Variants in PRDM16 observed in about 807,000 individuals in gnomAD.
The protein encoded by PRDM16 is PR/SET domain 16.
PRDM16 carries 23 observed loss-of-function variants against 110.6 expected under a neutral mutation model. The ratio of observed to expected loss-of-function variants is 0.21; its 90% CI spans 0.15 to 0.29. PRDM16 has a LOEUF of 0.29. PRDM16 is among the 10% of genes least tolerant of loss of function. PRDM16 has a pLI of 1.00. For missense variants in PRDM16, 1,615 were observed against 1,794.3 expected (o/e 0.90, Z 1.81); for synonymous variants, 799 against 781.8 (o/e 1.02, Z -0.37).
intron 2 of PRDM16, among the ~76,000 whole-genome samples, chr1:3,231,328 G>C (rs1424794276): frequency 2.0e-5 from 3 of 150,584 alleles, no homozygotes; most frequent in Admixed American, 6.6e-5. Flanking sequence ...TGCACATGCC[G>C]AAAATAGGTG....
Position 3,353,744 on chromosome 1 carries a change from G to A in PRDM16, c.439-31408G>A, listed in dbSNP as rs1350271805. Among the ~76,000 whole-genome samples, 3 of 152,208 alleles carry A rather than the reference G, an allele frequency of 2.0e-5. No homozygotes were observed. Among genetic ancestry groups the A allele is most frequent in the Non-Finnish European group, 2.9e-5 (2 of 68,032 alleles). ...GCCGAAGCAGCCAGAGAGTGGCCAA[G>A]GGGGTTGCACTTGGGGCCGGACCTC... On this transcript the variant is annotated intron_variant, in intron 3 of 16. Coordinates refer to ENST00000270722, the MANE Select transcript of PRDM16 (RefSeq NM_022114.4). The surrounding 1 kb of genome is among the most constrained non-coding windows in gnomAD (Gnocchi z 5.4).
intron 1 of PRDM16, among the ~76,000 whole-genome samples, chr1:3,162,488 C>G (rs886765970): frequency 6.6e-6 from 1 of 152,246 alleles, no homozygotes; most frequent in Non-Finnish European, 1.5e-5. Context: ...GCAGAGCCCA[C>G]TCCTGCCCCT....
intron 2 of PRDM16, among the ~76,000 whole-genome samples, chr1:3,219,645 A>G (rs1053949279): frequency 6.6e-6 from 1 of 152,160 alleles, no homozygotes; most frequent in Non-Finnish European, 1.5e-5. Context: ...ACAGCTCTGC[A>G]CTCGGGAGAT....
At chr1:3,404,483 G>T (rs1643526201) in intron 6 of PRDM16, among the ~76,000 whole-genome samples, 1 of 152,238 alleles carries the variant, frequency 6.6e-6, no homozygotes, top group Non-Finnish European at 1.5e-5. Flanking sequence ...CAGCCGCCCT[G>T]GGGGTGGTCT....
intron 2 of PRDM16, among the ~76,000 whole-genome samples, chr1:3,193,648 G>A (rs895475382): frequency 2.0e-5 from 3 of 152,154 alleles, no homozygotes. Flanking sequence ...TGAGAAGTGC[G>A]CCCACCCAGC....
intron 3 of PRDM16, among the ~76,000 whole-genome samples, chr1:3,369,186 C>T (rs72849637): frequency 1.3e-5 from 2 of 152,022 alleles, no homozygotes; most frequent in African/African-American, 4.8e-5. Flanking sequence ...TCGGGGGGAG[C>T]GAGCGCGCTA....
chr1:3,354,214 C>G (rs1466418816), intron 3 of PRDM16, among the ~76,000 whole-genome samples: 1 of 152,174 alleles, frequency 6.6e-6, no homozygotes, highest in African/African-American at 2.4e-5. Flanking sequence ...AATCCTAGCA[C>G]TTTGGCAGGC....
intron 8 of PRDM16, 142 bp from the exon 9 acceptor site, chr1:3,411,242 G>A (rs544667849): frequency 5.9e-4 from 445 of 750,768 alleles, no homozygotes; most frequent in Non-Finnish European, 7.2e-4. Context: ...CCATGCCCAC[G>A]CACATGCACC....
intron 4 of PRDM16, among the ~76,000 whole-genome samples, chr1:3,389,911 G>T (rs1442822581): frequency 6.6e-6 from 1 of 151,962 alleles, no homozygotes; most frequent in East Asian, 2.0e-4. Context: ...AGGCACAGAG[G>T]GGCCCTCGGG....
chr1:3,414,464 G>T, intron 9 of PRDM16, 96 bp from the exon 10 acceptor site: 1 of 861,508 alleles, frequency 1.2e-6, no homozygotes, highest in Non-Finnish European at 1.9e-6. Flanking sequence ...GACTGGCCAG[G>T]TATATGGTCA....
chr1:3,270,712 A>AGGACAGTCGGGGAGGACAGTCCCGGAGGG (rs1640429533), intron 3 of PRDM16, among the ~76,000 whole-genome samples: 1 of 146,894 alleles, frequency 6.8e-6, no homozygotes, highest in Non-Finnish European at 1.5e-5. Flanking sequence ...GTCCCGGAGG[A>AGGACAGTCGGGGAGGACAGTCCCGGAGGG]GGACAGTCGG....
At chr1:3,158,257 C>A (rs371026436) in intron 1 of PRDM16, among the ~76,000 whole-genome samples, 1 of 152,144 alleles carries the variant, frequency 6.6e-6, no homozygotes, top group Non-Finnish European at 1.5e-5. Flanking sequence ...AGGCACACTG[C>A]GAAGGGGAAA....
At chr1:3,369,379 T>A (rs960862192) in intron 3 of PRDM16, among the ~76,000 whole-genome samples, 8 of 152,144 alleles carry the variant, frequency 5.3e-5, no homozygotes, top group African/African-American at 1.9e-4. Flanking sequence ...AGCACACAGC[T>A]CAAAGCCCAT....
chr1:3,238,734 T>A (rs1639594667), intron 2 of PRDM16, among the ~76,000 whole-genome samples: 1 of 152,164 alleles, frequency 6.6e-6, no homozygotes, highest in East Asian at 1.9e-4. Context: ...TGGCCGGGGT[T>A]CAGGTGCAAG....
At chr1:3,381,464 G>A (rs1005893194) in intron 3 of PRDM16, among the ~76,000 whole-genome samples, 4 of 149,634 alleles carry the variant, frequency 2.7e-5, no homozygotes, top group South Asian at 2.1e-4. Flanking sequence ...GTGCAGTGGC[G>A]CAATCTCGGC....
chr1:3,406,177 C>G (rs1056106491), intron 8 of PRDM16, among the ~76,000 whole-genome samples: 1 of 152,120 alleles, frequency 6.6e-6, no homozygotes, highest in East Asian at 1.9e-4. Flanking sequence ...TTAGGAGGCT[C>G]GCACACCAAT....
At chr1:3,429,331 C>T (rs913787137) in intron 14 of PRDM16, among the ~76,000 whole-genome samples, 3 of 152,256 alleles carry the variant, frequency 2.0e-5, no homozygotes, top group African/African-American at 4.8e-5. Flanking sequence ...CCGGATGCTC[C>T]GCTCCCCAAC....
chr1:3,340,808 G>A (rs1343973502), intron 3 of PRDM16, among the ~76,000 whole-genome samples: 5 of 152,240 alleles, frequency 3.3e-5, no homozygotes, highest in Non-Finnish European at 5.9e-5. Context: ...GTGTCAGGGT[G>A]TGGGGCAGAA....
At chr1:3,095,046 T>C (rs2993491) in intron 1 of PRDM16, among the ~76,000 whole-genome samples, 59,558 of 152,136 alleles carry the variant, frequency 0.39, 14,168 homozygotes, top group African/African-American at 0.67. Context: ...TACTCCCCGG[T>C]TGGGGAGATG....
Sources: gnomAD v4.1 joint callset for allele counts (sites outside exome capture counted in the v4.1 genomes callset) on GRCh38, gnomAD v4.1.1 for gene constraint, Gnocchi (gnomAD v3.1) non-coding constraint, MANE v1.5 for transcripts, NCBI Gene and HGNC (gene_info 2026-07-23, HGNC 2026-07-21) for gene names.